The following TFEC variants were observed in gnomAD, a reference collection of about 807,000 sequenced individuals.
TFEC encodes the protein class E basic helix-loop-helix protein 34.
A neutral mutation model predicts 41.6 loss-of-function variants in TFEC; 31 were observed. That is an observed-to-expected ratio of 0.74 (90% CI 0.56 to 1.01). The LOEUF (loss-of-function observed/expected upper bound fraction) is 1.01. TFEC is among the 50% of genes least tolerant of loss of function. TFEC has a pLI of 0.00. For synonymous variants in TFEC, 143 were observed against 140.6 expected, an observed-to-expected ratio of 1.02 and a Z score of -0.12; for missense variants, 402 against 404.1, an observed-to-expected ratio of 0.99 and a Z score of 0.04.
At position 116,092,527 on chromosome 7, in the gene TFEC, TC is replaced by T. The variant is rs1458408994; in HGVS notation, c.198+18180del. 2.0e-5 allele frequency among the ~76,000 whole-genome samples: 3 copies of T among 152,306 alleles called. No individual in the cohort carries two copies. The East Asian group carries it at 5.8e-4, about 29-fold the overall frequency. On this transcript the variant is annotated intron_variant, in intron 3 of 8. Coordinates refer to the TFEC transcript ENST00000484212. ...TACATTTCAGTGGAAGTATTTTTGTTCCATTATGATGACATTTTAACACTCA... is the reference window on the plus strand; with the variant it reads ...TACATTTCAGTGGAAGTATTTTTGTTCATTATGATGACATTTTAACACTCA...
chr7:115,940,556 A>C lies in TFEC; in HGVS notation c.1039T>G (p.Leu347Val). 1.9e-6 allele frequency: 3 copies of C among 1,607,650 alleles called. No homozygotes were observed. Among genetic ancestry groups the C allele is most frequent in the Non-Finnish European group, 2.6e-6 (3 of 1,176,390 alleles). Residue 347 changes from leucine (L) to valine (V), a missense_variant, in exon 8 of 8, where the codon TTA becomes GTA. Physicochemically the swap from Leu to Val is conservative, Grantham distance 32. Coordinates refer to ENST00000265440, the MANE Select transcript of TFEC (RefSeq NM_012252.4). Reference sequence around the variant, plus strand: ...GAATTGGGTCTGTTTATTTCTTATAATTCATCACCATCATCTGAGCTAAAG... The same window carrying C: ...GAATTGGGTCTGTTTATTTCTTATACTTCATCACCATCATCTGAGCTAAAG... ...SSFSSDDGDE[L>V]
At chr7:116,000,473 C>T (rs1023917143) in intron 1 of TFEC, among the ~76,000 whole-genome samples, 10 of 152,090 alleles carry the variant, frequency 6.6e-5, no homozygotes, top group Non-Finnish European at 1.5e-4. Flanking sequence ...AAATAAATGG[C>T]ATCCAAATTG....
intron 3 of TFEC, among the ~76,000 whole-genome samples, chr7:116,056,897 G>C (rs1796443517): frequency 6.6e-6 from 1 of 151,838 alleles, no homozygotes; most frequent in South Asian, 2.1e-4. Context: ...AGAATTAGAA[G>C]AAAAAGGCAC....
rs534281385 is a variant in TFEC at position 116,065,302 on chromosome 7, C to T, written c.198+45406G>A. On this transcript the variant is annotated intron_variant, in intron 3 of 8. Coordinates refer to the TFEC transcript ENST00000484212. ...AATATGAGCAAAAATCCCAAGACTA[C>T]AAGACACCTGAGAAAAGTTCCTAGG... 3.9e-5 allele frequency among the ~76,000 whole-genome samples: 6 copies of T among 152,184 alleles called. No homozygotes were observed. In the South Asian group the frequency reaches 1.2e-3, roughly 32 times the overall value.
intron 3 of TFEC, among the ~76,000 whole-genome samples, chr7:115,965,191 T>C (rs4730702): frequency 0.15 from 23,051 of 151,620 alleles, 2,062 homozygotes; most frequent in Non-Finnish European, 0.21. Flanking sequence ...GATCAGTAAA[T>C]AGTTTGACAT....
chr7:115,975,078 A>G (rs1320608282), intron 2 of TFEC, among the ~76,000 whole-genome samples: 1 of 152,098 alleles, frequency 6.6e-6, no homozygotes, highest in Non-Finnish European at 1.5e-5. Context: ...CTGACATCCT[A>G]GAAATTTGGC....
At chr7:116,132,196 A>C (rs1798346613) in intron 1 of TFEC, among the ~76,000 whole-genome samples, 1 of 152,198 alleles carries the variant, frequency 6.6e-6, no homozygotes, top group East Asian at 1.9e-4. Context: ...GTTGGCCTAT[A>C]AGTCAAAGAA....
At chr7:116,141,398 A>G (rs1334057478) in intron 1 of TFEC, among the ~76,000 whole-genome samples, 3 of 152,200 alleles carry the variant, frequency 2.0e-5, no homozygotes, top group Non-Finnish European at 4.4e-5. Flanking sequence ...TTCTGTTACA[A>G]TGTTGTCTTG....
In TFEC at chr7:115,993,694, C is replaced by A. The variant is rs192914546; in HGVS notation, c.-72-9181G>T. On this transcript the variant is annotated intron_variant, in intron 1 of 7. Coordinates refer to ENST00000265440, the MANE Select transcript of TFEC (RefSeq NM_012252.4). ...CAAGGAGAACTACAAACCACTGCTC[C>A]ATGAAATAAAAGAGGACACAAACAA... Among the ~76,000 whole-genome samples the A allele has an allele frequency of 2.6e-4, 40 of 152,136 alleles. No individual in the cohort carries two copies. The East Asian group carries it at 7.1e-3, about 27-fold the overall frequency.
rs577004420 is a variant in TFEC at position 115,973,031 on chromosome 7, T to C, written c.267+1139A>G. Reference sequence around the variant, plus strand: ...TAGAGAATTAGTTTTCATGTCACTATGGCTACTTGAAATCTGAAGAGAAAA... The same window carrying C: ...TAGAGAATTAGTTTTCATGTCACTACGGCTACTTGAAATCTGAAGAGAAAA... On this transcript the variant is annotated intron_variant, in intron 3 of 7. Coordinates refer to ENST00000265440, the MANE Select transcript of TFEC (RefSeq NM_012252.4). Among the ~76,000 whole-genome samples the C allele has an allele frequency of 1.4e-4, 22 of 152,170 alleles. No individual in the cohort carries two copies. In the East Asian group the frequency reaches 3.9e-3, roughly 27 times the overall value.
upstream of TFEC, among the ~76,000 whole-genome samples, chr7:116,031,955 G>A (rs982331419): frequency 3.1e-4 from 47 of 152,070 alleles, no homozygotes; most frequent in African/African-American, 1.1e-3. Flanking sequence ...GAAACATTGT[G>A]AGAAAAGAAA....
chr7:116,101,412 G>A (rs931336563), intron 3 of TFEC, among the ~76,000 whole-genome samples: 2 of 152,082 alleles, frequency 1.3e-5, no homozygotes, highest in Non-Finnish European at 2.9e-5. Context: ...AAAGAGAAGG[G>A]AATTGCAATA....
At chr7:116,006,618 C>G (rs1402917770) in intron 1 of TFEC, among the ~76,000 whole-genome samples, 1 of 152,122 alleles carries the variant, frequency 6.6e-6, no homozygotes, top group Non-Finnish European at 1.5e-5. Context: ...TGGCTTGTTT[C>G]AGATGGGACT....
At chr7:116,050,166 A>G (rs1796273039) in intron 3 of TFEC, among the ~76,000 whole-genome samples, 1 of 152,178 alleles carries the variant, frequency 6.6e-6, no homozygotes, top group South Asian at 2.1e-4. Flanking sequence ...ACGAAAAAAA[A>G]CCCTTCACAC....
At chr7:116,017,921 C>A (rs1193615400) in intron 1 of TFEC, among the ~76,000 whole-genome samples, 2 of 152,120 alleles carry the variant, frequency 1.3e-5, no homozygotes, top group African/African-American at 4.8e-5. Flanking sequence ...TGACTACATT[C>A]TAAGCTGCTT....
In TFEC at chr7:116,136,323, T is replaced by A. The variant is rs1301445163; in HGVS notation, c.-69+23467A>T. ...GTTTTAAAATGTATATTAATTAAAG[T>A]TACATAAAACTCAAATACGCATATC... is the stretch of plus-strand genomic sequence containing the variant. On this transcript the variant is annotated intron_variant, in intron 1 of 8. Transcript: ENST00000484212. Among the ~76,000 whole-genome samples, 3 of 151,982 alleles carry A rather than the reference T, an allele frequency of 2.0e-5. No individual in the cohort carries two copies. In the East Asian group the frequency reaches 5.8e-4, roughly 29 times the overall value.
chr7:116,002,349 A>C (rs910403307), intron 1 of TFEC, among the ~76,000 whole-genome samples: 1 of 152,206 alleles, frequency 6.6e-6, no homozygotes, highest in African/African-American at 2.4e-5. Flanking sequence ...TAGCCATAAA[A>C]ATGAATGACA....
intron 1 of TFEC, among the ~76,000 whole-genome samples, chr7:116,156,032 G>A (rs6970704): frequency 3.3e-3 from 500 of 151,926 alleles, no homozygotes; most frequent in African/African-American, 0.011. Context: ...TTTGTTTTTT[G>A]TATTCCTTTA....
intron 2 of TFEC, among the ~76,000 whole-genome samples, chr7:115,982,545 C>T (rs1793674735): frequency 6.6e-6 from 1 of 152,150 alleles, no homozygotes; most frequent in African/African-American, 2.4e-5. Flanking sequence ...AAAGAGACCA[C>T]ACACTGATTA....
Sources: gnomAD v4.1 joint callset for allele counts (sites outside exome capture counted in the v4.1 genomes callset) on GRCh38, gnomAD v4.1.1 for gene constraint, MANE v1.5 for transcripts, NCBI Gene and HGNC (gene_info 2026-07-23, HGNC 2026-07-21) for gene names.